Variants in CDH4 observed in about 807,000 individuals in gnomAD.
CDH4 encodes the protein cadherin 4.
In CDH4, 33 loss-of-function variants were observed where a neutral mutation model predicts 86.0. That is an observed-to-expected ratio of 0.38 (90% CI 0.29 to 0.51). The LOEUF is 0.51. CDH4 is among the 20% of genes least tolerant of loss of function. CDH4 has a pLI of 0.86. For missense variants in CDH4, 1,114 were observed against 1,307.4 expected (o/e 0.85, Z 2.28); for synonymous variants, 555 against 549.4 (o/e 1.01, Z -0.14).
At chr20:61,652,934 A>ATTTT (rs1378064808) in intron 2 of CDH4, among the ~76,000 whole-genome samples, 6 of 103,020 alleles carry the variant, frequency 5.8e-5, no homozygotes, top group South Asian at 2.7e-4. Context: ...TTATTTATTT[A>ATTTT]TTTATTTTTT....
chr20:61,438,009 C>T (rs1040385462), intron 2 of CDH4, among the ~76,000 whole-genome samples: 3 of 152,194 alleles, frequency 2.0e-5, no homozygotes, highest in East Asian at 1.9e-4. Context: ...AAGACAGCCG[C>T]GGACAGCACT....
At chr20:61,900,139 C>G (rs1184095747) in intron 8 of CDH4, among the ~76,000 whole-genome samples, 1 of 152,192 alleles carries the variant, frequency 6.6e-6, no homozygotes, top group Non-Finnish European at 1.5e-5. Flanking sequence ...TGACCCAGGG[C>G]AGCTCTCGCC....
At chr20:61,534,459 A>G (rs2145645639) in intron 2 of CDH4, among the ~76,000 whole-genome samples, 1 of 152,222 alleles carries the variant, frequency 6.6e-6, no homozygotes, top group Non-Finnish European at 1.5e-5. Flanking sequence ...AAGGTGGTAA[A>G]ATAGCAAATC....
chr20:61,524,540 A>G (rs1027446147), intron 2 of CDH4, among the ~76,000 whole-genome samples: 2 of 151,398 alleles, frequency 1.3e-5, no homozygotes, highest in Non-Finnish European at 2.9e-5. Context: ...GCTGGAGTGC[A>G]GTGCTGCAAT....
intron 2 of CDH4, among the ~76,000 whole-genome samples, chr20:61,734,526 G>C (rs2088236432): frequency 6.6e-6 from 1 of 152,264 alleles, no homozygotes; most frequent in Non-Finnish European, 1.5e-5. Context: ...GCCCCAGACG[G>C]GGAGGGACGG....
chr20:61,680,320 C>G (rs1487807480), intron 2 of CDH4, among the ~76,000 whole-genome samples: 3 of 152,236 alleles, frequency 2.0e-5, no homozygotes, highest in Non-Finnish European at 4.4e-5. Context: ...GGGACCCGCA[C>G]TAGGGCTGAG....
At chr20:61,321,838 G>A (rs189097525) in intron 2 of CDH4, among the ~76,000 whole-genome samples, 11 of 152,060 alleles carry the variant, frequency 7.2e-5, no homozygotes, top group African/African-American at 1.9e-4. Flanking sequence ...TGCCAAAGAC[G>A]CTCACCTCAT....
At chr20:61,556,326 TATGATTCAGAAGA>T (rs2086177220) in intron 2 of CDH4, among the ~76,000 whole-genome samples, 1 of 152,140 alleles carries the variant, frequency 6.6e-6, no homozygotes, top group African/African-American at 2.4e-5. Context: ...TCAGGCCTTT[TATGATTCAGAAGA>T]AAGAAATCAT....
intron 4 of CDH4, 117 bp from the exon 5 acceptor site, chr20:61,844,551 T>C (rs1374724544): frequency 1.6e-5 from 15 of 945,212 alleles, no homozygotes; most frequent in Non-Finnish European, 2.2e-5. Flanking sequence ...TGGTCCCCAT[T>C]GTACCTGAAA....
At chr20:61,586,608 C>T (rs538573641) in intron 2 of CDH4, among the ~76,000 whole-genome samples, 9 of 152,268 alleles carry the variant, frequency 5.9e-5, no homozygotes, top group African/African-American at 1.9e-4. Flanking sequence ...AGCATTTGAT[C>T]CTTCATTTGA....
In CDH4 at chr20:61,516,513, C is replaced by T. The variant is rs546662746; in HGVS notation, c.170-227050C>T. Among the ~76,000 whole-genome samples the T allele has an allele frequency of 7.9e-5, 12 of 152,264 alleles. No homozygotes were observed. Among genetic ancestry groups the T allele is most frequent in the Middle Eastern group, 3.4e-3 (1 of 294 alleles). ...CAGATGTCCATGTTGGGGAGTCTAA[C>T]GGCAGGTTCTCACCGCCCTGGAAAC... is the stretch of plus-strand genomic sequence containing the variant. On this transcript the variant is annotated intron_variant, in intron 2 of 15. Coordinates refer to ENST00000614565, the MANE Select transcript of CDH4 (RefSeq NM_001794.5). The surrounding 1 kb of genome is among the most constrained non-coding windows in gnomAD (Gnocchi z 4.0).
chr20:61,611,857 G>A (rs1157233026), intron 2 of CDH4, among the ~76,000 whole-genome samples: 5 of 152,060 alleles, frequency 3.3e-5, no homozygotes, highest in Non-Finnish European at 5.9e-5. Flanking sequence ...AGGGCTTCAC[G>A]AACTCCTGCC....
At chr20:61,488,244 C>T (rs1261735352) in intron 2 of CDH4, among the ~76,000 whole-genome samples, 2 of 152,196 alleles carry the variant, frequency 1.3e-5, no homozygotes, top group East Asian at 1.9e-4. Flanking sequence ...TTCTGACCTC[C>T]AAAGAGCAAA....
intron 2 of CDH4, among the ~76,000 whole-genome samples, chr20:61,538,284 G>T (rs1174575179): frequency 6.6e-6 from 1 of 152,142 alleles, no homozygotes; most frequent in African/African-American, 2.4e-5. Flanking sequence ...CTCCAGCTGT[G>T]CCCGTCACTC....
intron 2 of CDH4, among the ~76,000 whole-genome samples, chr20:61,558,218 C>G (rs1325729829): frequency 1.3e-5 from 2 of 152,118 alleles, no homozygotes; most frequent in East Asian, 3.9e-4. Context: ...TTACACTGTT[C>G]TTATCTATGT....
intron 2 of CDH4, among the ~76,000 whole-genome samples, chr20:61,565,183 GGTGGTC>G (rs2086264486): frequency 1.0e-5 from 1 of 100,440 alleles, no homozygotes; most frequent in Non-Finnish European, 2.1e-5. Context: ...TGGTGGTGGT[GGTGGTC>G]CTCTTGGTGG....
At chr20:61,425,955 T>C (rs2085213131) in intron 2 of CDH4, among the ~76,000 whole-genome samples, 1 of 152,264 alleles carries the variant, frequency 6.6e-6, no homozygotes, top group African/African-American at 2.4e-5. Context: ...TCAGATCATC[T>C]GAAAACTGAG....
At chr20:61,557,817 G>A (rs941619555) in intron 2 of CDH4, among the ~76,000 whole-genome samples, 4 of 142,926 alleles carry the variant, frequency 2.8e-5, no homozygotes, top group African/African-American at 7.5e-5. Context: ...TGCTGGTGGA[G>A]CATCACTAAT....
At chr20:61,699,263 G>A (rs921641071) in intron 2 of CDH4, among the ~76,000 whole-genome samples, 6 of 152,156 alleles carry the variant, frequency 3.9e-5, no homozygotes, top group African/African-American at 1.4e-4. Flanking sequence ...GGGGGATGCT[G>A]GCCAGCATGC....
Sources: allele counts gnomAD v4.1 joint callset (sites outside exome capture counted in the v4.1 genomes callset), GRCh38; gene constraint gnomAD v4.1.1; non-coding constraint Gnocchi (gnomAD v3.1); transcripts MANE v1.5; gene names NCBI Gene and HGNC (gene_info 2026-07-23, HGNC 2026-07-21).